SLC15A5: variants seen among roughly 807,000 people sequenced by gnomAD.
The protein encoded by SLC15A5 is Peptide/histidine transporter ENSP00000340402.
SLC15A5 carries 58 observed loss-of-function variants against 56.1 expected under a neutral mutation model. The ratio of observed to expected loss-of-function variants is 1.03; its 90% confidence interval spans 0.84 to 1.29. The LOEUF (loss-of-function observed/expected upper bound fraction) is 1.29, where lower values mean the gene tolerates loss of function less well. Ranked by LOEUF, SLC15A5 falls within the 50% of genes most tolerant of loss-of-function variation. The pLI is 0.00. For missense variants in SLC15A5, 681 were observed against 672.1 expected (o/e 1.01, Z -0.15); for synonymous variants, 264 against 250.5 (o/e 1.05, Z -0.51).
chr12:16,275,182 A>G (rs1407430144), intron 1 of SLC15A5, among the ~76,000 whole-genome samples: 23 of 152,202 alleles, frequency 1.5e-4, no homozygotes, highest in South Asian at 4.1e-4. Flanking sequence ...AACAAACACT[A>G]TTTGGTTCTT....
chr12:16,216,941 A>G lies in SLC15A5; in HGVS notation c.1435T>C (p.Cys479Arg), dbSNP rs527553964. The change falls in exon 7 of 9, where the codon TGT (cysteine) becomes CGT (arginine). Residue 479 changes from cysteine (C) to arginine (R), a missense_variant. Physicochemically the swap from Cys to Arg is radical, Grantham distance 180. Transcript: ENST00000344941. The stretch of plus-strand genomic sequence containing the variant: ...TTCACCAGCAGTGCCCCTGTGAAAC[A>G]GCCAAATCCATTGAACAGTGTCAGA... ...NFLTLFNGFG[C>R]FTGALLVKLV... 1 of 1,536,928 alleles carries G rather than the reference A, an allele frequency of 6.5e-7. No individual in the cohort carries two copies. Among genetic ancestry groups the G allele is most frequent in the African/African-American group, 1.4e-5 (1 of 73,132 alleles).
intron 6 of SLC15A5, among the ~76,000 whole-genome samples, chr12:16,219,122 A>G (rs1262474206): frequency 1.3e-5 from 2 of 152,022 alleles, no homozygotes; most frequent in Non-Finnish European, 2.9e-5. Flanking sequence ...TGGACTTTAA[A>G]CTCTGGAGCA....
chr12:16,248,749 CT>C (rs1240341216), intron 3 of SLC15A5, among the ~76,000 whole-genome samples: 1 of 152,008 alleles, frequency 6.6e-6, no homozygotes, highest in African/African-American at 2.4e-5. Flanking sequence ...GTCATGTAGG[CT>C]CAGCCTTTAA....
rs145549314 is a variant in SLC15A5 at position 16,264,935 on chromosome 12, G to A, written c.585-7065C>T. ...TTGGGTATGTCTTTATCAGCAGCATGAAAGTGGACTAATACAGTGATTAAG... is the reference window on the plus strand; with the variant it reads ...TTGGGTATGTCTTTATCAGCAGCATAAAAGTGGACTAATACAGTGATTAAG... On this transcript the variant is annotated intron_variant, in intron 2 of 8. Transcript: ENST00000344941. Among the ~76,000 whole-genome samples, 710 of 152,272 alleles carry A rather than the reference G, an allele frequency of 4.7e-3. 6 individuals carry two copies. The highest frequency in any genetic ancestry group is 0.016 in the African/African-American group (658 of 41,536).
chr12:16,202,907 A>G (rs369108103), intron 7 of SLC15A5, among the ~76,000 whole-genome samples: 31 of 152,142 alleles, frequency 2.0e-4, no homozygotes, highest in African/African-American at 7.2e-4. Flanking sequence ...GGAATGTAGG[A>G]AAGTCAAACT....
intron 7 of SLC15A5, among the ~76,000 whole-genome samples, chr12:16,198,414 A>G (rs1863917341): frequency 6.6e-6 from 1 of 152,146 alleles, no homozygotes; most frequent in Non-Finnish European, 1.5e-5. Context: ...TTTTAGAGAC[A>G]AAGGATTGTA....
In SLC15A5 at chr12:16,237,980, T is replaced by C. The variant is rs1040214928; in HGVS notation, c.1162+1701A>G. 2.0e-5 allele frequency among the ~76,000 whole-genome samples: 3 copies of C among 152,182 alleles called. No individual in the cohort carries two copies. Among genetic ancestry groups the C allele is most frequent in the Non-Finnish European group, 2.9e-5 (2 of 68,022 alleles). On this transcript the variant is annotated intron_variant, in intron 5 of 8. Coordinates refer to ENST00000344941, the MANE Select transcript of SLC15A5 (RefSeq NM_001170798.1). The surrounding 1 kb of genome is among the most constrained non-coding windows in gnomAD (Gnocchi z 4.1). ...ATGTGCTGGCTTTTGGATTTCTACATTGGCAGACAGAAAAGCACTTTTTAA... is the reference window on the plus strand; with the variant it reads ...ATGTGCTGGCTTTTGGATTTCTACACTGGCAGACAGAAAAGCACTTTTTAA...
chr12:16,199,214 TGACCC>T (rs1461363570), intron 7 of SLC15A5, among the ~76,000 whole-genome samples: 50 of 149,170 alleles, frequency 3.4e-4, no homozygotes, highest in African/African-American at 1.2e-3. Flanking sequence ...CAACCCCAGG[TGACCC>T]TGCACATATC....
At chr12:16,251,302 A>G (rs898013701) in intron 3 of SLC15A5, among the ~76,000 whole-genome samples, 2 of 151,920 alleles carry the variant, frequency 1.3e-5, no homozygotes, top group African/African-American at 2.4e-5. Flanking sequence ...AGAACAAACA[A>G]CACAAAGTCA....
intron 3 of SLC15A5, among the ~76,000 whole-genome samples, chr12:16,252,511 G>C (rs1419514016): frequency 6.6e-6 from 1 of 151,918 alleles, no homozygotes; most frequent in Non-Finnish European, 1.5e-5. Context: ...TATAATTAAC[G>C]ATGACTGATC....
In SLC15A5 at chr12:16,189,722, A is replaced by G. The variant is rs974790282; in HGVS notation, c.1686T>C (p.Tyr562=). The change falls in exon 9 of 9, where the codon TAT becomes TAC. Residue 562 remains tyrosine, a synonymous_variant. Coordinates refer to ENST00000344941, the MANE Select transcript of SLC15A5 (RefSeq NM_001170798.1). Reference sequence around the variant, plus strand: ...TTGAAGAAAATTCCTGTATACTGCCATAAAATTTCAGAGATTTTTCGTGGA... The same window carrying G: ...TTGAAGAAAATTCCTGTATACTGCCGTAAAATTTCAGAGATTTTTCGTGGA... The part of the protein sequence containing the change: ...LLLHEKSLKF[Y]GSIQEFSSSI... 4 of 1,531,198 alleles carry G rather than the reference A, an allele frequency of 2.6e-6. No individual in the cohort carries two copies. Among genetic ancestry groups the G allele is most frequent in the Non-Finnish European group, 3.5e-6 (4 of 1,143,950 alleles). The allele number at this position is 1,531,198 out of a possible 1,614,324, so 94.9% of individuals were successfully genotyped here.
chr12:16,255,023 G>C (rs1280392694), intron 3 of SLC15A5, among the ~76,000 whole-genome samples: 2 of 152,088 alleles, frequency 1.3e-5, no homozygotes, highest in African/African-American at 4.8e-5. Flanking sequence ...AATGATGTTT[G>C]AAATGATGGA....
At chr12:16,204,283 C>A (rs960035967) in intron 7 of SLC15A5, among the ~76,000 whole-genome samples, 2 of 151,746 alleles carry the variant, frequency 1.3e-5, no homozygotes, top group African/African-American at 4.8e-5. Flanking sequence ...TGGTGAAACC[C>A]TGTCTCTACT....
chr12:16,243,398 G>A lies in SLC15A5; in HGVS notation c.975+1182C>T, dbSNP rs902621986. ...CTAATTTTGTATTTTTAGTAGAGACGGGGTTTCTCCATTTTGGTAAAGCTG... is the reference window on the plus strand; with the variant it reads ...CTAATTTTGTATTTTTAGTAGAGACAGGGTTTCTCCATTTTGGTAAAGCTG... On this transcript the variant is annotated intron_variant, in intron 4 of 8. Coordinates refer to ENST00000344941, the MANE Select transcript of SLC15A5 (RefSeq NM_001170798.1). This position sits in a 1 kb window ranked among gnomAD's most constrained non-coding sequence, Gnocchi z 4.4. Among the ~76,000 whole-genome samples, 5 of 151,810 alleles carry A rather than the reference G, an allele frequency of 3.3e-5. No homozygotes were observed. The highest frequency in any genetic ancestry group is 1.3e-4 in the Admixed American group (2 of 15,242).
chr12:16,267,900 G>C (rs1233134334), intron 2 of SLC15A5, among the ~76,000 whole-genome samples: 1 of 29,376 alleles, frequency 3.4e-5, no homozygotes, highest in Non-Finnish European at 8.9e-5. Flanking sequence ...CACCATGCCT[G>C]GGTAATTAAA....
At chr12:16,210,357 C>A (rs2136243814) in intron 7 of SLC15A5, among the ~76,000 whole-genome samples, 1 of 152,232 alleles carries the variant, frequency 6.6e-6, no homozygotes, top group Non-Finnish European at 1.5e-5. Context: ...CTAATTTCTT[C>A]TTCTCCCAAT....
intron 2 of SLC15A5, among the ~76,000 whole-genome samples, chr12:16,267,091 G>A (rs984146804): frequency 3.9e-5 from 6 of 152,056 alleles, no homozygotes; most frequent in African/African-American, 9.7e-5. Context: ...TTTACTTTTG[G>A]TGATTTGAAG....
At chr12:16,267,421 C>A (rs1864707991) in intron 2 of SLC15A5, among the ~76,000 whole-genome samples, 1 of 115,656 alleles carries the variant, frequency 8.6e-6, no homozygotes, top group Non-Finnish European at 1.8e-5. Context: ...TTCTGGCAGC[C>A]AAATATTTGG....
Position 16,196,385 on chromosome 12 carries a change from T to A in SLC15A5, c.1484-1932A>T, listed in dbSNP as rs893915842. ...TGATGTGTATATGTGTGCTTTTGTG[T>A]GTGTGCATGTGTGTGTGTGTGCCCG... On this transcript the variant is annotated intron_variant, in intron 7 of 8. Coordinates refer to ENST00000344941, the MANE Select transcript of SLC15A5 (RefSeq NM_001170798.1). This position sits in a 1 kb window ranked among gnomAD's most constrained non-coding sequence, Gnocchi z 4.0. Among the ~76,000 whole-genome samples the A allele has an allele frequency of 6.6e-6, 1 of 152,074 alleles. No individual in the cohort carries two copies. The highest frequency in any genetic ancestry group is 2.4e-5 in the African/African-American group (1 of 41,424).
Sources: allele counts gnomAD v4.1 joint callset (sites outside exome capture counted in the v4.1 genomes callset), GRCh38; gene constraint gnomAD v4.1.1; non-coding constraint Gnocchi (gnomAD v3.1); transcripts MANE v1.5; gene names NCBI Gene and HGNC (gene_info 2026-07-23, HGNC 2026-07-21).